MAP7: variants seen among roughly 807,000 people sequenced by gnomAD.
MAP7 encodes ensconsin.
Under a neutral mutation model 94.8 loss-of-function variants are expected in MAP7, and 52 were observed. That is an observed-to-expected ratio of 0.55 (90% CI 0.44 to 0.69). The LOEUF (loss-of-function observed/expected upper bound fraction) is 0.69. Among genes scored for constraint, MAP7 ranks in the 30% least tolerant of loss-of-function variants. The pLI, the probability that MAP7 is intolerant of heterozygous loss-of-function variation, is 0.00. For missense variants in MAP7, 940 were observed against 964.6 expected, an observed-to-expected ratio of 0.97 and a Z score of 0.34; for synonymous variants, 350 against 357.0, an observed-to-expected ratio of 0.98 and a Z score of 0.22.
At chr6:136,527,510 C>T (rs1467535153) in intron 1 of MAP7, among the ~76,000 whole-genome samples, 1 of 152,160 alleles carries the variant, frequency 6.6e-6, no homozygotes, top group Admixed American at 6.5e-5. Context: ...AAATCTCTTG[C>T]GTGGAACAGT....
chr6:136,433,489 A>G (rs1795523559), intron 1 of MAP7, among the ~76,000 whole-genome samples: 1 of 152,244 alleles, frequency 6.6e-6, no homozygotes, highest in Non-Finnish European at 1.5e-5. Context: ...TGGAAAAGTC[A>G]GCCACTTCCA....
intron 1 of MAP7, among the ~76,000 whole-genome samples, chr6:136,432,342 C>T (rs1179345292): frequency 6.6e-6 from 1 of 152,066 alleles, no homozygotes; most frequent in Non-Finnish European, 1.5e-5. Context: ...CTAATCTGTT[C>T]CAAAAGTCAG....
In MAP7 at chr6:136,519,861, A is replaced by G. The variant is rs141619291; in HGVS notation, c.67+30481T>C. On this transcript the variant is annotated intron_variant, in intron 1 of 17. Coordinates refer to ENST00000354570, the MANE Select transcript of MAP7 (RefSeq NM_003980.6). Reference sequence around the variant, plus strand: ...AATTAATAGCACCTTGTAACTATATACCTTTGTTTTTCCACCAAAGAAAAA... The same window carrying G: ...AATTAATAGCACCTTGTAACTATATGCCTTTGTTTTTCCACCAAAGAAAAA... Among the ~76,000 whole-genome samples the G allele has an allele frequency of 5.3e-5, 8 of 152,304 alleles. No individual in the cohort carries two copies. The East Asian group carries it at 1.3e-3, about 26-fold the overall frequency.
At chr6:136,529,531 G>T (rs1250035553) in intron 1 of MAP7, among the ~76,000 whole-genome samples, 1 of 152,158 alleles carries the variant, frequency 6.6e-6, no homozygotes, top group Non-Finnish European at 1.5e-5. Flanking sequence ...TGGGAAATGG[G>T]CATGCAGCCC....
Position 136,505,273 on chromosome 6 carries a change from GTGTGTATATATATA to G in MAP7, c.67+45055_67+45068del, listed in dbSNP as rs1255109381. On this transcript the variant is annotated intron_variant, in intron 1 of 17. Coordinates refer to ENST00000354570, the MANE Select transcript of MAP7 (RefSeq NM_003980.6). ...GTAATGTGTGTGTGTGTGTGTGTGT[GTGTGTATATATATA>G]TATATATATATATATATATATATAT... 1.9e-3 allele frequency among the ~76,000 whole-genome samples: 132 copies of G among 69,832 alleles called. 1 individual carries two copies. Among genetic ancestry groups the G allele is most frequent in the African/African-American group, 6.7e-3 (121 of 18,182 alleles). 45.8% of individuals were successfully genotyped at this position (69,832 alleles called of 152,430 possible). A position where few individuals can be genotyped will look rare whatever the true frequency, so the allele number is the denominator to read the frequency against.
intron 1 of MAP7, among the ~76,000 whole-genome samples, chr6:136,547,824 T>C (rs1002706561): frequency 3.3e-5 from 5 of 151,614 alleles, no homozygotes; most frequent in Admixed American, 6.6e-5. Context: ...GATACACATA[T>C]ACACACACAC....
At chr6:136,387,888 C>A (rs1433919584) in intron 5 of MAP7, among the ~76,000 whole-genome samples, 1 of 152,110 alleles carries the variant, frequency 6.6e-6, no homozygotes, top group African/African-American at 2.4e-5. Context: ...TATGTCCATT[C>A]AGAAAGGAGG....
intron 10 of MAP7, 117 bp from the exon 11 acceptor site, chr6:136,362,819 T>C (rs1173103225): frequency 6.3e-6 from 9 of 1,431,128 alleles, no homozygotes; most frequent in South Asian, 1.5e-5. Flanking sequence ...GAAAAGGGAA[T>C]GTTTATTACT....
intron 10 of MAP7, among the ~76,000 whole-genome samples, chr6:136,363,233 G>A (rs906625865): frequency 9.9e-5 from 15 of 152,184 alleles, no homozygotes; most frequent in Admixed American, 2.6e-4. Context: ...GGCCTCTTTG[G>A]GAGCTGGTGC....
intron 1 of MAP7, among the ~76,000 whole-genome samples, chr6:136,539,263 G>C (rs1829126434): frequency 6.6e-6 from 1 of 152,180 alleles, no homozygotes; most frequent in Non-Finnish European, 1.5e-5. Flanking sequence ...TAAAAAGGAA[G>C]ACACTGAGGA....
At chr6:136,397,461 A>G (rs987409403) in intron 3 of MAP7, among the ~76,000 whole-genome samples, 8 of 152,210 alleles carry the variant, frequency 5.3e-5, no homozygotes, top group Non-Finnish European at 7.3e-5. Context: ...ACACGAAAAA[A>G]TTCAGCAACT....
At position 136,540,749 on chromosome 6, in the gene MAP7, A is replaced by C. The variant is rs138610209; in HGVS notation, c.67+9593T>G. Among the ~76,000 whole-genome samples the C allele has an allele frequency of 2.8e-3, 431 of 152,336 alleles. 2 individuals carry two copies. The highest frequency in any genetic ancestry group is 9.5e-3 in the African/African-American group (396 of 41,570). The stretch of plus-strand genomic sequence containing the variant: ...AAATGGTTCTGAATCATTAGTTCTC[A>C]GCACTGATTGCACACCAGACCATCT... On this transcript the variant is annotated intron_variant, in intron 1 of 17. Transcript: ENST00000354570.
chr6:136,404,848 T>C (rs1562361872), intron 3 of MAP7, among the ~76,000 whole-genome samples: 1 of 152,202 alleles, frequency 6.6e-6, no homozygotes, highest in Non-Finnish European at 1.5e-5. Context: ...TCCTTAAATA[T>C]TCTCTTGAAC....
At chr6:136,442,123 C>T (rs533789896) in intron 1 of MAP7, among the ~76,000 whole-genome samples, 1 of 152,128 alleles carries the variant, frequency 6.6e-6, no homozygotes, top group East Asian at 1.9e-4. Flanking sequence ...ATACTTAAGG[C>T]TGGGCATGGT....
At chr6:136,365,331 G>A (rs985503988) in intron 10 of MAP7, among the ~76,000 whole-genome samples, 1 of 152,100 alleles carries the variant, frequency 6.6e-6, no homozygotes, top group African/African-American at 2.4e-5. Flanking sequence ...GAAAACTTTG[G>A]AATGAAGACA....
intron 1 of MAP7, among the ~76,000 whole-genome samples, chr6:136,433,122 T>G (rs1795428079): frequency 6.6e-6 from 1 of 152,192 alleles, no homozygotes; most frequent in Admixed American, 6.5e-5. Flanking sequence ...AGCCTTTCCC[T>G]TCTTCCTTTC....
At chr6:136,393,475 G>C (rs566212578) in intron 3 of MAP7, among the ~76,000 whole-genome samples, 2 of 152,240 alleles carry the variant, frequency 1.3e-5, no homozygotes, top group African/African-American at 4.8e-5. Context: ...ACTTGATTTT[G>C]GATAAATCTC....
At chr6:136,439,077 C>T (rs1797134407) in intron 1 of MAP7, among the ~76,000 whole-genome samples, 1 of 152,060 alleles carries the variant, frequency 6.6e-6, no homozygotes, top group Non-Finnish European at 1.5e-5. Context: ...TAGGTTAATA[C>T]CTGCTATGGT....
rs1783298645 is a variant in MAP7, at chr6:136,398,965, T to C, written c.245-9448A>G. On this transcript the variant is annotated intron_variant, in intron 3 of 17. Coordinates refer to ENST00000354570, the MANE Select transcript of MAP7 (RefSeq NM_003980.6). ...CTTACTTCTGTATCAGGGGAGCATATATTTTACTGCTGTATGAGAGAAAAG... is the reference window on the plus strand; with the variant it reads ...CTTACTTCTGTATCAGGGGAGCATACATTTTACTGCTGTATGAGAGAAAAG... Among the ~76,000 whole-genome samples the C allele has an allele frequency of 2.6e-5, 4 of 152,300 alleles. No homozygotes were observed. The South Asian group carries it at 8.3e-4, about 32-fold the overall frequency.
Sources: gnomAD v4.1 joint callset for allele counts (sites outside exome capture counted in the v4.1 genomes callset) on GRCh38, gnomAD v4.1.1 for gene constraint, MANE v1.5 for transcripts, NCBI Gene and HGNC (gene_info 2026-07-23, HGNC 2026-07-21) for gene names.